The following ADAMTS17 variants were observed in gnomAD, a reference collection of about 807,000 sequenced individuals.
ADAMTS17 encodes A disintegrin and metalloproteinase with thrombospondin motifs 17.
In ADAMTS17, 113 loss-of-function variants were observed where a neutral mutation model predicts 141.5. The ratio of observed to expected loss-of-function variants is 0.80; its 90% CI spans 0.69 to 0.93. The LOEUF is 0.93. Ranked by LOEUF, ADAMTS17 falls within the 40% of genes least tolerant of loss-of-function variation. ADAMTS17 has a pLI of 0.00. For synonymous variants in ADAMTS17, 768 were observed against 630.6 expected (o/e 1.22, Z -3.27); for missense variants, 1,659 against 1,517.9 (o/e 1.09, Z -1.54).
At chr15:100,194,049 A>G (rs1346661869) in intron 8 of ADAMTS17, among the ~76,000 whole-genome samples, 1 of 152,170 alleles carries the variant, frequency 6.6e-6, no homozygotes, top group Admixed American at 6.5e-5. Context: ...GCAGAGGTTT[A>G]TTTTCTGCAA....
At chr15:100,296,122 C>T (rs546264388) in intron 3 of ADAMTS17, among the ~76,000 whole-genome samples, 1 of 152,100 alleles carries the variant, frequency 6.6e-6, no homozygotes, top group African/African-American at 2.4e-5. Flanking sequence ...ATGTGGGAAA[C>T]GTACTCGAGA....
chr15:99,994,005 G>A lies in ADAMTS17; in HGVS notation c.2797-805C>T, dbSNP rs75563203. Among the ~76,000 whole-genome samples the A allele has an allele frequency of 4.9e-4, 74 of 152,294 alleles. No individual in the cohort carries two copies. In the East Asian group the frequency reaches 0.013, roughly 27 times the overall value. On this transcript the variant is annotated intron_variant, in intron 19 of 21. Coordinates refer to ENST00000268070, the MANE Select transcript of ADAMTS17 (RefSeq NM_139057.4). The stretch of plus-strand genomic sequence containing the variant: ...CAACACAGCAGACAGGCACTCTGGA[G>A]TGCGTCTGGAGCCTGCTCCTGACAC...
At chr15:100,089,184 C>T (rs1596391047) in intron 15 of ADAMTS17, among the ~76,000 whole-genome samples, 1 of 150,512 alleles carries the variant, frequency 6.6e-6, no homozygotes, top group Non-Finnish European at 1.5e-5. Flanking sequence ...AGGATATGAA[C>T]AGACACTTCT....
At chr15:100,068,086 C>T (rs1210686743) in intron 15 of ADAMTS17, among the ~76,000 whole-genome samples, 6 of 152,302 alleles carry the variant, frequency 3.9e-5, no homozygotes, top group African/African-American at 1.2e-4. Context: ...TCTTAGCAAA[C>T]GGCACGCCAG....
chr15:99,996,435 G>GT (rs2060803791), intron 19 of ADAMTS17, among the ~76,000 whole-genome samples: 1 of 152,108 alleles, frequency 6.6e-6, no homozygotes, highest in African/African-American at 2.4e-5. Flanking sequence ...ACTGACAAAC[G>GT]TAAGCATAGA....
intron 15 of ADAMTS17, among the ~76,000 whole-genome samples, chr15:100,082,127 G>A (rs1395152821): frequency 6.6e-6 from 1 of 152,140 alleles, no homozygotes; most frequent in East Asian, 1.9e-4. Flanking sequence ...GTGCAGCGGT[G>A]CAATCTTGGC....
At chr15:100,257,535 C>T (rs569695257) in intron 6 of ADAMTS17, among the ~76,000 whole-genome samples, 76 of 152,332 alleles carry the variant, frequency 5.0e-4, no homozygotes, top group South Asian at 2.7e-3. Context: ...CTCAGGCTCC[C>T]GGGCTGGCAA....
chr15:100,190,727 T>C (rs2040885234), intron 8 of ADAMTS17, among the ~76,000 whole-genome samples: 1 of 152,202 alleles, frequency 6.6e-6, no homozygotes, highest in Non-Finnish European at 1.5e-5. Context: ...GGGACACTCC[T>C]TCTGCAGAGA....
chr15:100,124,869 T>C (rs2037647077), intron 12 of ADAMTS17, among the ~76,000 whole-genome samples: 2 of 152,102 alleles, frequency 1.3e-5, no homozygotes, highest in African/African-American at 4.8e-5. Flanking sequence ...AGGGCCTTGA[T>C]AGACACAAGC....
intron 15 of ADAMTS17, among the ~76,000 whole-genome samples, chr15:100,083,881 T>C (rs901317510): frequency 6.6e-6 from 1 of 151,590 alleles, no homozygotes; most frequent in African/African-American, 2.4e-5. Context: ...GATGACCAAA[T>C]AGGAACAGCT....
rs2046371851 is a variant in ADAMTS17, at chr15:100,341,699, C to A, written c.79+122G>T. On this transcript the variant is annotated intron_variant, in intron 1 of 21. Transcript: ENST00000268070. ...CGTACTCCGGCCGCGGCCCGCGCCT[C>A]CTCCGCTCGGGCGCCGTCAGCGGTC... The A allele has an allele frequency of 5.4e-6, 7 of 1,292,744 alleles. No individual in the cohort carries two copies. The East Asian group carries it at 2.1e-4, about 40-fold the overall frequency. 80.1% of individuals were successfully genotyped at this position (1,292,744 alleles called of 1,614,324 possible).
At chr15:100,254,781 G>A (rs1029369888) in intron 6 of ADAMTS17, among the ~76,000 whole-genome samples, 2 of 152,174 alleles carry the variant, frequency 1.3e-5, no homozygotes, top group Non-Finnish European at 2.9e-5. Context: ...ACTTGTAAGT[G>A]GGAGCTGAAT....
rs530254067 is a variant in ADAMTS17 at position 100,045,323 on chromosome 15, T to C, written c.2591+3534A>G. Among the ~76,000 whole-genome samples, 4 of 152,310 alleles carry C rather than the reference T, an allele frequency of 2.6e-5. 1 individual carries two copies. The highest frequency in any genetic ancestry group is 9.6e-5 in the African/African-American group (4 of 41,570). On this transcript the variant is annotated intron_variant, in intron 18 of 21. Transcript: ENST00000268070. ...TTCATACTAAATCTTTGAAACCTCA[T>C]GTATATTTTATATTTATAGCAGATT...
chr15:100,108,467 C>A (rs1442337252), intron 14 of ADAMTS17, among the ~76,000 whole-genome samples: 1 of 152,212 alleles, frequency 6.6e-6, no homozygotes, highest in Non-Finnish European at 1.5e-5. Flanking sequence ...AGCCACCGCA[C>A]CCGGCCTCTC....
At chr15:100,032,025 G>T (rs1195909657) in intron 18 of ADAMTS17, among the ~76,000 whole-genome samples, 1 of 152,192 alleles carries the variant, frequency 6.6e-6, no homozygotes, top group Admixed American at 6.5e-5. Context: ...CGCGGCACTT[G>T]GTACAGGTAG....
At chr15:100,264,921 C>G (rs1362166974) in intron 4 of ADAMTS17, among the ~76,000 whole-genome samples, 1 of 152,142 alleles carries the variant, frequency 6.6e-6, no homozygotes, top group Non-Finnish European at 1.5e-5. Context: ...GAATACCGAA[C>G]CACACAGTTA....
chr15:100,206,854 G>A (rs1349614883), intron 7 of ADAMTS17, among the ~76,000 whole-genome samples: 1 of 152,192 alleles, frequency 6.6e-6, no homozygotes, highest in Non-Finnish European at 1.5e-5. Context: ...TGTGTGCCTA[G>A]AATCCTGATC....
chr15:100,339,225 T>C (rs1052502864), intron 2 of ADAMTS17: 4 of 932,172 alleles, frequency 4.3e-6, no homozygotes, highest in African/African-American at 3.6e-5. Context: ...CTGGCTGAGA[T>C]GCCATCTATG....
chr15:100,312,496 T>C (rs77813755), intron 3 of ADAMTS17, among the ~76,000 whole-genome samples: 3,730 of 152,328 alleles, frequency 0.024, 168 homozygotes, highest in African/African-American at 0.085. Context: ...TAAGATAATA[T>C]ATTTGTGTTA....
Sources: gnomAD v4.1 joint callset for allele counts (sites outside exome capture counted in the v4.1 genomes callset) on GRCh38, gnomAD v4.1.1 for gene constraint, MANE v1.5 for transcripts, NCBI Gene and HGNC (gene_info 2026-07-23, HGNC 2026-07-21) for gene names.